The following GRB2 variants were observed in gnomAD, a reference collection of about 807,000 sequenced individuals.
The protein encoded by GRB2 is growth factor receptor bound protein 2.
Under a neutral mutation model 27.4 loss-of-function variants are expected in GRB2, and 2 were observed. That is an observed-to-expected ratio of 0.07 (90% CI 0.03 to 0.23). The LOEUF is 0.23. Ranked by LOEUF, GRB2 falls within the 10% of genes least tolerant of loss-of-function variation. The probability of loss-of-function intolerance (pLI) is 1.00; values close to 1 mark genes in which losing one functional copy is unlikely to be tolerated. For synonymous variants in GRB2, 94 were observed against 99.6 expected, an observed-to-expected ratio of 0.94 and a Z score of 0.33; for missense variants, 102 against 282.4, an observed-to-expected ratio of 0.36 and a Z score of 4.58.
intron 1 of GRB2, among the ~76,000 whole-genome samples, chr17:75,400,398 T>C (rs1301478496): frequency 6.6e-6 from 1 of 150,454 alleles, no homozygotes; most frequent in Non-Finnish European, 1.5e-5. Flanking sequence ...GGTCTCAAAC[T>C]CCTGACTTCA....
chr17:75,384,551 T>C (rs879816476), intron 2 of GRB2, among the ~76,000 whole-genome samples: 1 of 151,936 alleles, frequency 6.6e-6, no homozygotes, highest in African/African-American at 2.4e-5. Context: ...ATGCCTATAA[T>C]CCCAGCTACT....
intron 2 of GRB2, among the ~76,000 whole-genome samples, chr17:75,392,554 T>G (rs2079004894): frequency 6.6e-6 from 1 of 152,232 alleles, no homozygotes; most frequent in Non-Finnish European, 1.5e-5. Context: ...CCACTTGCTT[T>G]CTCTTCATAA....
At chr17:75,339,278 C>G (rs1483759705) in intron 2 of GRB2, 1 of 558,542 alleles carries the variant, frequency 1.8e-6, no homozygotes, top group African/African-American at 1.9e-5. Context: ...ACTGCAAGCT[C>G]CGCCTCCTGG....
chr17:75,337,254 C>A (rs1242311519), intron 2 of GRB2, among the ~76,000 whole-genome samples: 1 of 152,154 alleles, frequency 6.6e-6, no homozygotes, highest in Non-Finnish European at 1.5e-5. Context: ...GCCTTTCAAC[C>A]CAACTGCTCC....
intron 2 of GRB2, chr17:75,371,721 G>A (rs2078857852): frequency 6.6e-6 from 1 of 151,588 alleles, no homozygotes; most frequent in Admixed American, 6.6e-5. Flanking sequence ...CACACAAAAG[G>A]AACAACATGA....
chr17:75,394,796 T>G (rs914469519), intron 1 of GRB2: 2 of 152,202 alleles, frequency 1.3e-5, no homozygotes, highest in Non-Finnish European at 2.9e-5. Context: ...ATAAAACTGA[T>G]GCAAACTGCA....
At chr17:75,350,232 G>A (rs1274888079) in intron 2 of GRB2, among the ~76,000 whole-genome samples, 1 of 79,514 alleles carries the variant, frequency 1.3e-5, no homozygotes, top group African/African-American at 2.8e-5. Context: ...TCATCTCTGA[G>A]GGGAAAAAAA....
At chr17:75,345,274 G>C (rs1046323653) in intron 2 of GRB2, among the ~76,000 whole-genome samples, 1 of 151,968 alleles carries the variant, frequency 6.6e-6, no homozygotes, top group Non-Finnish European at 1.5e-5. Context: ...TCGATCTCCT[G>C]ACCTCGTGAT....
intron 2 of GRB2, among the ~76,000 whole-genome samples, chr17:75,391,124 T>C (rs931436572): frequency 4.6e-5 from 7 of 152,160 alleles, no homozygotes; most frequent in South Asian, 2.1e-4. Flanking sequence ...GGGCAACTAC[T>C]GTATCGTCAC....
chr17:75,368,063 C>T (rs939901842), intron 2 of GRB2, among the ~76,000 whole-genome samples: 3 of 151,976 alleles, frequency 2.0e-5, no homozygotes, highest in Non-Finnish European at 1.5e-5. Context: ...TACAGGCACT[C>T]GCCACCACGC....
At position 75,332,735 on chromosome 17, in the gene GRB2, G is replaced by A; in HGVS notation, c.141C>T (p.Phe47=). 1 of 1,611,584 alleles carries A rather than the reference G, an allele frequency of 6.2e-7. No individual in the cohort carries two copies. Among genetic ancestry groups the A allele is most frequent in the Non-Finnish European group, 8.5e-7 (1 of 1,178,222 alleles). Residue 47 remains phenylalanine, a synonymous_variant, in exon 3 of 6, where the codon TTC becomes TTT. Transcript: ENST00000316804. ...TCATTTCTATGTAGTTCTTGGGAATGAAGCCGTCTTTTCCATTAAGCTCTG... is the reference window on the plus strand; with the variant it reads ...TCATTTCTATGTAGTTCTTGGGAATAAAGCCGTCTTTTCCATTAAGCTCTG... The part of the protein sequence containing the change: ...YKAELNGKDG[F]IPKNYIEMKP...
intron 2 of GRB2, among the ~76,000 whole-genome samples, chr17:75,362,449 C>T (rs1233582855): frequency 2.0e-5 from 3 of 152,202 alleles, no homozygotes; most frequent in African/African-American, 7.2e-5. Context: ...ATTCACTCCA[C>T]CAAATCACTC....
chr17:75,399,707 T>C lies in GRB2; in HGVS notation c.-138+5782A>G, dbSNP rs559620949. Reference sequence around the variant, plus strand: ...ATTTTTTTGAGACAGAGTCTCGCTCTGTCGCCCAGGCTGGTGTAGTGACGC... The same window carrying C: ...ATTTTTTTGAGACAGAGTCTCGCTCCGTCGCCCAGGCTGGTGTAGTGACGC... On this transcript the variant is annotated intron_variant, in intron 1 of 5. Transcript: ENST00000316804. 2.0e-5 allele frequency among the ~76,000 whole-genome samples: 3 copies of C among 151,416 alleles called. No individual in the cohort carries two copies. The East Asian group carries it at 5.8e-4, about 29-fold the overall frequency.
At chr17:75,385,110 G>A (rs183468920) in intron 2 of GRB2, among the ~76,000 whole-genome samples, 4 of 150,866 alleles carry the variant, frequency 2.7e-5, no homozygotes, top group Admixed American at 1.3e-4. Context: ...GTGTGGTAGT[G>A]CACAGCTGTA....
At chr17:75,378,051 C>A (rs1389567153) in intron 2 of GRB2, among the ~76,000 whole-genome samples, 1 of 152,052 alleles carries the variant, frequency 6.6e-6, no homozygotes, top group Non-Finnish European at 1.5e-5. Context: ...TTTATGAAAT[C>A]ATTTCTGCCT....
intron 2 of GRB2, among the ~76,000 whole-genome samples, chr17:75,391,944 G>A (rs2079001536): frequency 6.6e-6 from 1 of 152,184 alleles, no homozygotes; most frequent in African/African-American, 2.4e-5. Flanking sequence ...CTAGGTTCAA[G>A]TTTCTAAGAT....
chr17:75,405,596 T>A lies in GRB2; in HGVS notation c.-245A>T, dbSNP rs1011672185. 1 of 156,424 alleles carries A rather than the reference T, an allele frequency of 6.4e-6. No homozygotes were observed. The highest frequency in any genetic ancestry group is 2.4e-5 in the African/African-American group (1 of 41,428). The allele number at this position is 156,424 out of a possible 1,614,324, so 9.7% of individuals were successfully genotyped here. ...AGGGCAGCGCTTGCTCCCGCCGCCG[T>A]CACCGCCACAGGCACAGACTCTGCC... On this transcript the variant is annotated 5_prime_UTR_variant, in exon 1 of 6. Transcript: ENST00000316804.
rs148894806 is a variant in GRB2 at position 75,330,360 on chromosome 17, G to A, written c.176+2340C>T. On this transcript the variant is annotated intron_variant, in intron 3 of 5. Coordinates refer to ENST00000316804, the MANE Select transcript of GRB2 (RefSeq NM_002086.5). ...TCGCGCCACAGCACTCTAGCCTGGC[G>A]ACAGAGCGAGACTCCATCTCAAACA... Among the ~76,000 whole-genome samples the A allele has an allele frequency of 6.8e-3, 1,035 of 151,604 alleles. 7 individuals carry two copies. The highest frequency in any genetic ancestry group is 0.023 in the African/African-American group (958 of 41,304).
In GRB2 at chr17:75,320,319, G is replaced by T. The variant is rs1294464329; in HGVS notation, c.*49C>A. ...GGCAGCTTGTGGGTTTAATTCTTTTGTATGTGTTTTACATTTTTCACTTTC... is the reference window on the plus strand; with the variant it reads ...GGCAGCTTGTGGGTTTAATTCTTTTTTATGTGTTTTACATTTTTCACTTTC... On this transcript the variant is annotated 3_prime_UTR_variant, in exon 6 of 6. Coordinates refer to ENST00000316804, the MANE Select transcript of GRB2 (RefSeq NM_002086.5). The surrounding 1 kb of genome is among the most constrained non-coding windows in gnomAD (Gnocchi z 4.3). 2.7e-6 allele frequency: 4 copies of T among 1,491,420 alleles called. No homozygotes were observed. The highest frequency in any genetic ancestry group is 1.4e-5 in the African/African-American group (1 of 72,442). 92.4% of individuals were successfully genotyped at this position (1,491,420 alleles called of 1,614,324 possible). A position where few individuals can be genotyped will look rare whatever the true frequency, so the allele number is the denominator to read the frequency against.
Sources: gnomAD v4.1 joint callset for allele counts (sites outside exome capture counted in the v4.1 genomes callset) on GRCh38, gnomAD v4.1.1 for gene constraint, Gnocchi (gnomAD v3.1) non-coding constraint, MANE v1.5 for transcripts, NCBI Gene and HGNC (gene_info 2026-07-23, HGNC 2026-07-21) for gene names.